The following WDR27 variants were observed in gnomAD, a reference collection of about 807,000 sequenced individuals.
The protein encoded by WDR27 is WD repeat-containing protein 27.
A neutral mutation model predicts 114.4 loss-of-function variants in WDR27; 100 were observed. That is an observed-to-expected ratio of 0.87 (90% CI 0.74 to 1.03). WDR27 has a LOEUF of 1.03. Ranked by LOEUF, WDR27 falls within the 50% of genes least tolerant of loss-of-function variation. The pLI is 0.00. For synonymous variants in WDR27, 449 were observed against 423.1 expected (o/e 1.06, Z -0.75); for missense variants, 1,129 against 1,092.9 (o/e 1.03, Z -0.47).
At chr6:169,525,002 G>A (rs2128070435) in intron 25 of WDR27, among the ~76,000 whole-genome samples, 1 of 152,176 alleles carries the variant, frequency 6.6e-6, no homozygotes, top group East Asian at 1.9e-4. Context: ...CCCAGAGGAT[G>A]GGAGAAAATA....
intron 25 of WDR27, among the ~76,000 whole-genome samples, chr6:169,506,611 CAT>C (rs1456602877): frequency 6.6e-6 from 1 of 152,190 alleles, no homozygotes; most frequent in African/African-American, 2.4e-5. Flanking sequence ...CACAGAAGCA[CAT>C]GAGTAGGGTA....
At chr6:169,444,055 TC>T in the WDR27 span, among the ~76,000 whole-genome samples, 13 of 152,190 alleles carry the variant, frequency 8.5e-5, no homozygotes, top group African/African-American at 3.1e-4. Flanking sequence ...CTGGCTCTAT[TC>T]CCAGGGTCTG....
intron 25 of WDR27, among the ~76,000 whole-genome samples, chr6:169,495,075 AAAAT>A (rs1297902959): frequency 6.6e-6 from 1 of 152,224 alleles, no homozygotes; most frequent in Non-Finnish European, 1.5e-5. Flanking sequence ...AAAACATTAG[AAAAT>A]AAATATAAAC....
intron 1 of WDR27, among the ~76,000 whole-genome samples, chr6:169,693,243 A>G (rs530845681): frequency 6.6e-6 from 1 of 152,362 alleles, no homozygotes; most frequent in South Asian, 2.1e-4. Flanking sequence ...AGCAAAATTA[A>G]GCTTCACAAA....
At chr6:169,451,068 C>T in the WDR27 span, among the ~76,000 whole-genome samples, 5 of 152,214 alleles carry the variant, frequency 3.3e-5, no homozygotes, top group African/African-American at 1.2e-4. Context: ...TCACAAGGAA[C>T]TTCCTTGTGG....
intron 25 of WDR27, among the ~76,000 whole-genome samples, chr6:169,571,003 A>G (rs1472959517): frequency 2.0e-5 from 3 of 152,222 alleles, no homozygotes; most frequent in Non-Finnish European, 4.4e-5. Flanking sequence ...GCATCACCAC[A>G]GAGCAGACTG....
At chr6:169,619,185 T>G (rs1426975692) in intron 21 of WDR27, among the ~76,000 whole-genome samples, 1 of 152,218 alleles carries the variant, frequency 6.6e-6, no homozygotes, top group Admixed American at 6.5e-5. Context: ...GCAAAGACAC[T>G]AAACCTCTTA....
Position 169,658,275 on chromosome 6 carries a change from C to T in WDR27, c.1402+1G>A, listed in dbSNP as rs750860927. The T allele has an allele frequency of 2.5e-6, 4 of 1,596,470 alleles. No homozygotes were observed. Among genetic ancestry groups the T allele is most frequent in the South Asian group, 2.3e-5 (2 of 87,328 alleles). Reference sequence around the variant, plus strand: ...TAGATCTCACAGCACCCTGTACTGACCACGTCGCTGTTCACTAGCAGCCTT... The same window carrying T: ...TAGATCTCACAGCACCCTGTACTGATCACGTCGCTGTTCACTAGCAGCCTT... On this transcript the variant is annotated splice_donor_variant, in intron 13 of 25. Coordinates refer to ENST00000448612, the MANE Select transcript of WDR27 (RefSeq NM_182552.5). LOFTEE classifies it high-confidence loss of function.
At chr6:169,700,768 T>C (rs918577936) in intron 1 of WDR27, among the ~76,000 whole-genome samples, 6 of 152,190 alleles carry the variant, frequency 3.9e-5, no homozygotes, top group Non-Finnish European at 5.9e-5. Context: ...TTTTTTTGAA[T>C]TACAAAAGCA....
intron 24 of WDR27, among the ~76,000 whole-genome samples, chr6:169,581,513 T>A (rs949735042): frequency 6.6e-6 from 1 of 152,220 alleles, no homozygotes; most frequent in African/African-American, 2.4e-5. Flanking sequence ...CGTTACAGTG[T>A]ATATGGCAGT....
At chr6:169,605,399 A>G (rs1011994515) in intron 22 of WDR27, among the ~76,000 whole-genome samples, 1 of 151,954 alleles carries the variant, frequency 6.6e-6, no homozygotes, top group African/African-American at 2.4e-5. Context: ...AATATAATTA[A>G]CCAAGGAGGT....
intron 3 of WDR27, chr6:169,672,046 C>A: frequency 2.1e-6 from 1 of 467,826 alleles, no homozygotes; most frequent in Non-Finnish European, 3.7e-6. Flanking sequence ...CAGCAAAGGT[C>A]CGTAAGTCTG....
chr6:169,690,498 T>C (rs1172333646), intron 1 of WDR27, among the ~76,000 whole-genome samples: 2 of 152,204 alleles, frequency 1.3e-5, no homozygotes, highest in Non-Finnish European at 2.9e-5. Context: ...GCTCTTCCCA[T>C]TCTCCAGGTC....
chr6:169,576,703 G>T (rs1014683583), intron 24 of WDR27, among the ~76,000 whole-genome samples: 1 of 151,296 alleles, frequency 6.6e-6, no homozygotes, highest in Non-Finnish European at 1.5e-5. Flanking sequence ...GGAGTTCGAG[G>T]CTGCACTGAG....
intron 21 of WDR27, among the ~76,000 whole-genome samples, chr6:169,629,796 C>T (rs1429115285): frequency 6.6e-6 from 1 of 151,512 alleles, no homozygotes; most frequent in Admixed American, 6.6e-5. Flanking sequence ...GCGTGGTGGC[C>T]CACGACTCTA....
rs542565335 is a variant in WDR27, at chr6:169,662,499, A to C, written c.905-75T>G. 505 of 1,553,360 alleles carry C rather than the reference A, an allele frequency of 3.3e-4. No homozygotes were observed. In the African/African-American group the frequency reaches 6.3e-3, roughly 19 times the overall value. ...TCAAGTTTAAAGGCTGAGGACTGCCACACAGAGATGCTGCAGTGAATGTGC... is the reference window on the plus strand; with the variant it reads ...TCAAGTTTAAAGGCTGAGGACTGCCCCACAGAGATGCTGCAGTGAATGTGC... On this transcript the variant is annotated intron_variant, in intron 8 of 25. Coordinates refer to ENST00000448612, the MANE Select transcript of WDR27 (RefSeq NM_182552.5).
intron 21 of WDR27, among the ~76,000 whole-genome samples, chr6:169,617,839 C>T (rs559844103): frequency 1.3e-5 from 2 of 152,330 alleles, no homozygotes; most frequent in East Asian, 1.9e-4. Context: ...TGCCAGTATT[C>T]GCGTTTACAA....
intron 22 of WDR27, among the ~76,000 whole-genome samples, chr6:169,611,724 T>C (rs1584568406): frequency 6.6e-6 from 1 of 152,358 alleles, no homozygotes; most frequent in East Asian, 1.9e-4. Flanking sequence ...ACACAAACAT[T>C]AGCCTAGGCC....
intron 25 of WDR27, among the ~76,000 whole-genome samples, chr6:169,520,495 A>T (rs1021567496): frequency 2.6e-5 from 4 of 152,218 alleles, no homozygotes; most frequent in Admixed American, 2.6e-4. Context: ...ACAGATGTAC[A>T]TGCACACGAA....
Sources: gnomAD v4.1 joint callset for allele counts (sites outside exome capture counted in the v4.1 genomes callset) on GRCh38, gnomAD v4.1.1 for gene constraint, MANE v1.5 for transcripts, NCBI Gene and HGNC (gene_info 2026-07-23, HGNC 2026-07-21) for gene names.